ZNF568: variants seen among roughly 807,000 people sequenced by gnomAD.
ZNF568 encodes p53 inhibitor of SCO2 activation.
A neutral mutation model predicts 18.1 loss-of-function variants in ZNF568; 11 were observed. The observed-to-expected ratio is 0.61, with a 90% confidence interval of 0.38 to 1.00. ZNF568 has a LOEUF of 1.00. ZNF568 is among the 50% of genes least tolerant of loss of function. ZNF568 has a pLI of 0.01. For synonymous variants in ZNF568, 213 were observed against 246.6 expected (o/e 0.86, Z 1.28); for missense variants, 639 against 768.2 (o/e 0.83, Z 1.99).
At chr19:36,967,434 G>A (rs1377267661) in intron 6 of ZNF568, among the ~76,000 whole-genome samples, 1 of 152,016 alleles carries the variant, frequency 6.6e-6, no homozygotes, top group Non-Finnish European at 1.5e-5. Flanking sequence ...ATGGTGGCAG[G>A]TGCCTGTAAT....
At chr19:36,969,486 T>G (rs2074220052) in intron 6 of ZNF568, among the ~76,000 whole-genome samples, 1 of 152,130 alleles carries the variant, frequency 6.6e-6, no homozygotes, top group African/African-American at 2.4e-5. Context: ...TGAGGGAAGA[T>G]TTCTTCATCT....
chr19:36,933,924 G>GTTTTTTTTTTTTTTTTTTTT (rs140279289), intron 4 of ZNF568, among the ~76,000 whole-genome samples: 6 of 29,930 alleles, frequency 2.0e-4, no homozygotes, highest in Non-Finnish European at 3.1e-4. Flanking sequence ...TTGTTTTTTT[G>GTTTTTTTTTTTTTTTTTTTT]TTTTTTTTTT....
intron 2 of ZNF568, among the ~76,000 whole-genome samples, chr19:36,986,979 A>G (rs2074381600): frequency 6.6e-6 from 1 of 152,206 alleles, no homozygotes; most frequent in African/African-American, 2.4e-5. Flanking sequence ...TTCTCAGTAG[A>G]TTCAGAACCC....
chr19:36,983,403 TAC>T (rs2074347743), downstream of ZNF568, among the ~76,000 whole-genome samples: 1 of 152,212 alleles, frequency 6.6e-6, no homozygotes, highest in African/African-American at 2.4e-5. Context: ...TGCCATTTAC[TAC>T]CCGCATCCTC....
At chr19:36,942,779 A>G (rs1201044554) in intron 6 of ZNF568, among the ~76,000 whole-genome samples, 1 of 151,964 alleles carries the variant, frequency 6.6e-6, no homozygotes, top group East Asian at 1.9e-4. Flanking sequence ...TTTAAATACT[A>G]CCATATGTAT....
At chr19:36,975,393 C>T (rs376165354) in intron 7 of ZNF568, among the ~76,000 whole-genome samples, 25 of 149,524 alleles carry the variant, frequency 1.7e-4, no homozygotes, top group Middle Eastern at 3.6e-3. Flanking sequence ...GTGATCCGCC[C>T]GCCTAGGCCT....
intron 6 of ZNF568, among the ~76,000 whole-genome samples, chr19:36,945,938 G>A (rs1272890362): frequency 2.6e-5 from 4 of 151,518 alleles, no homozygotes; most frequent in African/African-American, 4.9e-5. Flanking sequence ...CTAAAAAAAC[G>A]CAAAAAATTA....
chr19:36,933,924 G>GT lies in ZNF568; in HGVS notation c.136-2804dup, dbSNP rs140279289. On this transcript the variant is annotated intron_variant, in intron 4 of 6. Coordinates refer to ENST00000333987, the MANE Select transcript of ZNF568 (RefSeq NM_198539.4). ...GTTTTTTTTTTTGTTTTGTTTTTTT[G>GT]TTTTTTTTTTTTTTTTTTAGTAATT... 2.9e-3 allele frequency among the ~76,000 whole-genome samples: 86 copies of GT among 29,926 alleles called. 1 individual carries two copies. The highest frequency in any genetic ancestry group is 0.019 in the Middle Eastern group (1 of 54). The allele number at this position is 29,926 out of a possible 152,430, so 19.6% of individuals were successfully genotyped here.
chr19:36,935,644 G>C (rs1160554394), intron 4 of ZNF568, among the ~76,000 whole-genome samples: 1 of 149,788 alleles, frequency 6.7e-6, no homozygotes, highest in East Asian at 1.9e-4. Context: ...CTGTATTTTT[G>C]CTTTAGGTAT....
chr19:36,935,748 T>A (rs144174251), intron 4 of ZNF568, among the ~76,000 whole-genome samples: 2,106 of 152,298 alleles, frequency 0.014, 24 homozygotes, highest in African/African-American at 0.025. Context: ...CAGTTTTGTT[T>A]TAAATTCTAT....
At chr19:36,949,334 G>A (rs2074018236) in intron 6 of ZNF568, among the ~76,000 whole-genome samples, 178 bp from the exon 7 acceptor site, 1 of 152,162 alleles carries the variant, frequency 6.6e-6, no homozygotes, top group East Asian at 1.9e-4. Flanking sequence ...TATGTTTTAT[G>A]TAGTAGTTAA....
rs756266535 is a variant in ZNF568, at chr19:36,950,764, A to G, written c.1611A>G (p.Lys537=). The change falls in exon 7 of 7, where the codon AAA becomes AAG. Residue 537 remains lysine (K), a synonymous_variant. Transcript: ENST00000333987. ...EKPYHCNQCG[K]AFSQRQNLLE... is the part of the protein sequence containing the mutation. ...CTTATCATTGTAATCAATGTGGGAA[A>G]GCTTTCAGTCAGAGACAAAATCTTC... 2 of 1,613,706 alleles carry G rather than the reference A, an allele frequency of 1.2e-6. No homozygotes were observed. The highest frequency in any genetic ancestry group is 2.2e-5 in the South Asian group (2 of 91,068).
chr19:36,933,916 G>GTTTTTTTT (rs1243440418), intron 4 of ZNF568, among the ~76,000 whole-genome samples: 3 of 20,704 alleles, frequency 1.4e-4, no homozygotes, highest in African/African-American at 3.2e-4. Context: ...TTTTTGTTTT[G>GTTTTTTTT]TTTTTTTGTT....
In ZNF568 at chr19:36,922,782, A is replaced by G. The variant is rs369582571; in HGVS notation, c.12A>G (p.Gln4=). The change falls in exon 3 of 7, where the codon CAA becomes CAG. Residue 4 remains glutamine (Q), a synonymous_variant. Coordinates refer to ENST00000333987, the MANE Select transcript of ZNF568 (RefSeq NM_198539.4). ...CAGGCAGGGTCTGAATGACATCTCAATCTTCAGTGATCAGCAATAGCTGTG... is the reference window on the plus strand; with the variant it reads ...CAGGCAGGGTCTGAATGACATCTCAGTCTTCAGTGATCAGCAATAGCTGTG... MTS[Q]SSVISNSCVT... 247 of 1,613,926 alleles carry G rather than the reference A, an allele frequency of 1.5e-4. No homozygotes were observed. Among genetic ancestry groups the G allele is most frequent in the Non-Finnish European group, 1.9e-4 (219 of 1,179,964 alleles).
At chr19:36,932,055 TGTACGA>T (rs1332593149) in intron 4 of ZNF568, among the ~76,000 whole-genome samples, 2 of 152,258 alleles carry the variant, frequency 1.3e-5, no homozygotes, top group Non-Finnish European at 2.9e-5. Context: ...TTTTGTAGCT[TGTACGA>T]GTACTTTTTA....
At chr19:36,997,775 G>GAAA, downstream of ZNF568, 11 of 565,638 alleles carry the variant, frequency 1.9e-5, no homozygotes, top group South Asian at 4.7e-5. Flanking sequence ...TACTGATTTG[G>GAAA]AAAAAAAAAC....
intron 2 of ZNF568, among the ~76,000 whole-genome samples, chr19:36,990,890 A>G (rs1025146698): frequency 6.6e-6 from 1 of 152,166 alleles, no homozygotes; most frequent in South Asian, 2.1e-4. Flanking sequence ...AGTTTCATTT[A>G]ATTGGGAAAC....
chr19:36,997,271 G>T (rs776817872), downstream of ZNF568: 44 of 1,603,476 alleles, frequency 2.7e-5, no homozygotes, highest in Non-Finnish European at 3.7e-5. Flanking sequence ...CGACATCAGA[G>T]TGTCCATACT....
intron 4 of ZNF568, among the ~76,000 whole-genome samples, chr19:36,933,259 C>T (rs760837646): frequency 1.3e-5 from 2 of 150,802 alleles, no homozygotes; most frequent in Non-Finnish European, 2.9e-5. Context: ...CAGTTGTTGT[C>T]CCAGCATCAT....
Sources: allele counts gnomAD v4.1 joint callset (sites outside exome capture counted in the v4.1 genomes callset), GRCh38; gene constraint gnomAD v4.1.1; transcripts MANE v1.5; gene names NCBI Gene and HGNC (gene_info 2026-07-23, HGNC 2026-07-21).